Variants in CHIC2 observed in about 807,000 individuals in gnomAD.
CHIC2 encodes the protein cysteine rich hydrophobic domain 2.
In CHIC2, 14 loss-of-function variants were observed where a neutral mutation model predicts 25.9. The observed-to-expected ratio is 0.54, with a 90% CI of 0.36 to 0.85. The LOEUF is 0.85. CHIC2 is among the 40% of genes least tolerant of loss of function. The probability of loss-of-function intolerance (pLI) is 0.01; values close to 1 mark genes in which losing one functional copy is unlikely to be tolerated. For synonymous variants in CHIC2, 70 were observed against 72.0 expected (o/e 0.97, Z 0.14); for missense variants, 146 against 202.0 (o/e 0.72, Z 1.68).
the CHIC2 span, among the ~76,000 whole-genome samples, chr4:54,075,143 C>T: frequency 4.6e-5 from 7 of 152,110 alleles, no homozygotes; most frequent in Non-Finnish European, 7.4e-5. Flanking sequence ...AATAAATTCT[C>T]TCAAGTCAGT....
chr4:54,083,109 G>A, the CHIC2 span, among the ~76,000 whole-genome samples: 3 of 131,148 alleles, frequency 2.3e-5, no homozygotes, highest in Non-Finnish European at 3.1e-5. Context: ...TCTGCCTCCC[G>A]GGTTTAAGCG....
chr4:54,027,415 A>G (rs1326219800), intron 3 of CHIC2, among the ~76,000 whole-genome samples: 1 of 152,212 alleles, frequency 6.6e-6, no homozygotes, highest in Non-Finnish European at 1.5e-5. Flanking sequence ...AATTTTAATT[A>G]AAAACAAATT....
chr4:54,021,688 GCT>G (rs1185977556), intron 3 of CHIC2, among the ~76,000 whole-genome samples: 3 of 151,952 alleles, frequency 2.0e-5, no homozygotes, highest in African/African-American at 4.8e-5. Context: ...TAGCGTTTAG[GCT>G]CTTTTTCATC....
At chr4:54,065,433 A>G, upstream of CHIC2, 1 of 448,188 alleles carries the variant, frequency 2.2e-6, no homozygotes, top group Non-Finnish European at 3.0e-6. Flanking sequence ...TACCACAAAA[A>G]AGACCTGAAA....
chr4:54,032,801 C>A (rs921988411), intron 3 of CHIC2, among the ~76,000 whole-genome samples: 1 of 152,306 alleles, frequency 6.6e-6, no homozygotes, highest in Middle Eastern at 3.4e-3. Flanking sequence ...AGGATAGATT[C>A]TGCTCTGCTA....
At chr4:54,017,025 A>C (rs944088755) in intron 3 of CHIC2, among the ~76,000 whole-genome samples, 29 of 152,196 alleles carry the variant, frequency 1.9e-4, no homozygotes, top group Non-Finnish European at 3.4e-4. Flanking sequence ...GATACTAAAA[A>C]AAATGACACT....
chr4:54,059,841 T>C (rs1717278498), intron 1 of CHIC2: 2 of 152,044 alleles, frequency 1.3e-5, no homozygotes, highest in Non-Finnish European at 2.9e-5. Flanking sequence ...TATTAAATAG[T>C]AAAGAAAGAT....
At chr4:54,072,103 G>A in the CHIC2 span, among the ~76,000 whole-genome samples, 1 of 151,998 alleles carries the variant, frequency 6.6e-6, no homozygotes, top group Non-Finnish European at 1.5e-5. Context: ...GACCATCCTG[G>A]CCAACATGGT....
intron 3 of CHIC2, among the ~76,000 whole-genome samples, chr4:54,037,106 T>C (rs925390972): frequency 1.3e-5 from 2 of 152,166 alleles, no homozygotes; most frequent in Admixed American, 1.3e-4. Context: ...GGCTCACACC[T>C]GTAATCCCAG....
intron 3 of CHIC2, among the ~76,000 whole-genome samples, chr4:54,024,253 C>G (rs2110066218): frequency 6.6e-6 from 1 of 152,306 alleles, no homozygotes; most frequent in Non-Finnish European, 1.5e-5. Flanking sequence ...TTACAAGCCG[C>G]TAGCCCATCT....
intron 1 of CHIC2, among the ~76,000 whole-genome samples, chr4:54,052,124 C>CTTCT (rs1553886946): frequency 6.7e-4 from 41 of 61,436 alleles, no homozygotes; most frequent in Non-Finnish European, 1.2e-3. Context: ...CTGCCAAAAC[C>CTTCT]TTTTTTTTTA....
chr4:54,023,691 C>T (rs1474889194), intron 3 of CHIC2, among the ~76,000 whole-genome samples: 1 of 152,182 alleles, frequency 6.6e-6, no homozygotes, highest in African/African-American at 2.4e-5. Context: ...TAGTATCTTC[C>T]ACATCTATCA....
At chr4:54,087,414 G>T in the CHIC2 span, 1 of 578,464 alleles carries the variant, frequency 1.7e-6, no homozygotes. Context: ...TATGCAAATT[G>T]TAAAACATCG....
intron 3 of CHIC2, among the ~76,000 whole-genome samples, chr4:54,014,782 G>T (rs1359397928): frequency 6.6e-6 from 1 of 152,092 alleles, no homozygotes; most frequent in Non-Finnish European, 1.5e-5. Flanking sequence ...TGCAAGATAT[G>T]CTATGCTGCA....
the CHIC2 span, among the ~76,000 whole-genome samples, chr4:54,084,983 C>CAAAAAAAAAAAAAAAAAAA: frequency 1.9e-3 from 204 of 106,526 alleles, no homozygotes; most frequent in Middle Eastern, 5.0e-3. Flanking sequence ...AAAAAAAAAT[C>CAAAAAAAAAAAAAAAAAAA]AAACAGGTAG....
chr4:54,084,867 T>C, the CHIC2 span, among the ~76,000 whole-genome samples: 62 of 148,776 alleles, frequency 4.2e-4, no homozygotes, highest in African/African-American at 1.5e-3. Flanking sequence ...GGCTGACACA[T>C]GAGAACCACT....
At chr4:54,034,141 A>C (rs988936032) in intron 3 of CHIC2, among the ~76,000 whole-genome samples, 2 of 152,124 alleles carry the variant, frequency 1.3e-5, no homozygotes, top group Non-Finnish European at 2.9e-5. Flanking sequence ...GCGGTGGCTC[A>C]TGCCTGTAAT....
intron 1 of CHIC2, among the ~76,000 whole-genome samples, chr4:54,055,919 G>A (rs116111707): frequency 0.024 from 3,713 of 152,192 alleles, 154 homozygotes; most frequent in African/African-American, 0.082. Context: ...AGTTGGAGAC[G>A]TATATTTGGG....
At chr4:54,023,130 G>A (rs776966424) in intron 3 of CHIC2, among the ~76,000 whole-genome samples, 1 of 151,954 alleles carries the variant, frequency 6.6e-6, no homozygotes, top group Non-Finnish European at 1.5e-5. Context: ...CTGCCACCAC[G>A]CTAGCTCTCC....
Sources: allele counts gnomAD v4.1 joint callset (sites outside exome capture counted in the v4.1 genomes callset), GRCh38; gene constraint gnomAD v4.1.1; transcripts MANE v1.5; gene names NCBI Gene and HGNC (gene_info 2026-07-23, HGNC 2026-07-21).